The following ASTN1 variants were observed in gnomAD, a reference collection of about 807,000 sequenced individuals.
The protein encoded by ASTN1 is astrotactin-1.
A neutral mutation model predicts 140.7 loss-of-function variants in ASTN1; 41 were observed. The ratio of observed to expected loss-of-function variants is 0.29; its 90% CI spans 0.23 to 0.38. ASTN1 has a LOEUF of 0.38. Among genes scored for constraint, ASTN1 ranks in the 10% least tolerant of loss-of-function variants. The probability of loss-of-function intolerance (pLI) is 1.00; values close to 1 mark genes in which losing one functional copy is unlikely to be tolerated. For missense variants in ASTN1, 1,479 were observed against 1,678.8 expected (o/e 0.88, Z 2.08); for synonymous variants, 640 against 652.2 (o/e 0.98, Z 0.29).
At chr1:176,878,435 T>A (rs1239336622) in intron 20 of ASTN1, among the ~76,000 whole-genome samples, 1 of 150,756 alleles carries the variant, frequency 6.6e-6, no homozygotes, top group Non-Finnish European at 1.5e-5. Context: ...TCCTCTAAGC[T>A]CAGAGGGGAG....
chr1:176,964,981 A>ACCT (rs1200875022), intron 9 of ASTN1, among the ~76,000 whole-genome samples, 182 bp downstream of exon 9: 1 of 152,086 alleles, frequency 6.6e-6, no homozygotes, highest in East Asian at 1.9e-4. Context: ...AATCTGTCTG[A>ACCT]CCTCCAAGTC....
At chr1:177,039,411 A>C (rs1041253567) in intron 2 of ASTN1, among the ~76,000 whole-genome samples, 1 of 152,230 alleles carries the variant, frequency 6.6e-6, no homozygotes, top group Non-Finnish European at 1.5e-5. Flanking sequence ...GTTTTTCTGG[A>C]TATCACTCAT....
At chr1:177,100,471 C>A (rs759770770) in intron 1 of ASTN1, among the ~76,000 whole-genome samples, 12 of 152,010 alleles carry the variant, frequency 7.9e-5, no homozygotes, top group Non-Finnish European at 1.5e-4. Context: ...TCCACTGATA[C>A]CCCAGTCCCC....
intron 15 of ASTN1, among the ~76,000 whole-genome samples, chr1:176,935,683 C>A (rs947650421): frequency 6.6e-6 from 1 of 152,166 alleles, no homozygotes; most frequent in African/African-American, 2.4e-5. Flanking sequence ...CTCTGAAACC[C>A]TAAGTAAGTT....
At chr1:177,031,022 T>G in intron 3 of ASTN1, 70 bp from the exon 4 acceptor site, 2 of 1,501,704 alleles carry the variant, frequency 1.3e-6, no homozygotes, top group Non-Finnish European at 1.8e-6. Context: ...GAAGGAAATC[T>G]GCATAAACCA....
chr1:176,951,034 C>T (rs140077766), intron 11 of ASTN1, among the ~76,000 whole-genome samples: 314 of 152,328 alleles, frequency 2.1e-3, no homozygotes, highest in Admixed American at 3.4e-3. Context: ...AGGATATGCA[C>T]TGTTTGCTAA....
intron 11 of ASTN1, among the ~76,000 whole-genome samples, chr1:176,956,484 T>TG (rs1672411405): frequency 6.6e-6 from 1 of 152,122 alleles, no homozygotes. Flanking sequence ...CCTCACAGCT[T>TG]GTCTCTGCTC....
At chr1:177,162,377 A>G (rs540192437) in intron 1 of ASTN1, among the ~76,000 whole-genome samples, 1 of 152,306 alleles carries the variant, frequency 6.6e-6, no homozygotes, top group East Asian at 1.9e-4. Flanking sequence ...GATGCATTTA[A>G]ATAGTGCATC....
intron 1 of ASTN1, among the ~76,000 whole-genome samples, chr1:177,120,697 G>T (rs1033457372): frequency 6.6e-6 from 1 of 152,058 alleles, no homozygotes; most frequent in African/African-American, 2.4e-5. Context: ...ACTCAAACAG[G>T]CTGTCTCCCG....
At chr1:176,930,829 G>A (rs1671176096) in intron 16 of ASTN1, among the ~76,000 whole-genome samples, 1 of 152,158 alleles carries the variant, frequency 6.6e-6, no homozygotes, top group Admixed American at 6.5e-5. Flanking sequence ...TAAGAAATGA[G>A]GTGCTAATAC....
At chr1:176,884,085 A>T (rs1463282683) in intron 19 of ASTN1, among the ~76,000 whole-genome samples, 1 of 152,162 alleles carries the variant, frequency 6.6e-6, no homozygotes, top group African/African-American at 2.4e-5. Context: ...CCTCTTTTAT[A>T]AACAAAAAAC....
chr1:177,092,518 T>C (rs930790189), intron 1 of ASTN1, among the ~76,000 whole-genome samples: 1 of 152,220 alleles, frequency 6.6e-6, no homozygotes, highest in African/African-American at 2.4e-5. Context: ...AAGTCAAATT[T>C]ACCTAGTTTT....
At chr1:176,860,335 G>T (rs868352294), downstream of ASTN1, among the ~76,000 whole-genome samples, 9 of 152,168 alleles carry the variant, frequency 5.9e-5, no homozygotes, top group Admixed American at 2.0e-4. Flanking sequence ...TCTTTTAATT[G>T]CCCCTGCTTG....
At chr1:177,071,257 T>C (rs147591533) in intron 1 of ASTN1, among the ~76,000 whole-genome samples, 1 of 152,212 alleles carries the variant, frequency 6.6e-6, no homozygotes, top group Non-Finnish European at 1.5e-5. Flanking sequence ...AGGCCCATTC[T>C]AGGCTGGCAT....
intron 1 of ASTN1, among the ~76,000 whole-genome samples, chr1:177,075,065 T>C (rs1305617602): frequency 1.3e-5 from 2 of 152,162 alleles, no homozygotes; most frequent in African/African-American, 4.8e-5. Flanking sequence ...TATTAAATTC[T>C]TCCAATTTCT....
intron 1 of ASTN1, among the ~76,000 whole-genome samples, chr1:177,104,008 C>T (rs768207313): frequency 3.3e-5 from 5 of 152,100 alleles, no homozygotes; most frequent in African/African-American, 4.8e-5. Flanking sequence ...TATGGCCTGG[C>T]GTGCAGTAAC....
At chr1:177,143,935 T>A (rs1206918191) in intron 1 of ASTN1, among the ~76,000 whole-genome samples, 4 of 152,200 alleles carry the variant, frequency 2.6e-5, no homozygotes, top group African/African-American at 9.6e-5. Flanking sequence ...GCATTATTTA[T>A]GCAACTTTTA....
chr1:176,986,258 T>C (rs1450191704), intron 8 of ASTN1, among the ~76,000 whole-genome samples: 1 of 152,204 alleles, frequency 6.6e-6, no homozygotes, highest in Non-Finnish European at 1.5e-5. Context: ...GGGGTTCTGA[T>C]CACTCCAGAG....
intron 1 of ASTN1, among the ~76,000 whole-genome samples, chr1:177,080,324 A>G (rs7516130): frequency 0.36 from 53,606 of 150,302 alleles, 11,229 homozygotes; most frequent in Non-Finnish European, 0.49. Context: ...AAAACAAAAT[A>G]AAATGAGCAT....
Sources: allele counts gnomAD v4.1 joint callset (sites outside exome capture counted in the v4.1 genomes callset), GRCh38; gene constraint gnomAD v4.1.1; transcripts MANE v1.5; gene names NCBI Gene and HGNC (gene_info 2026-07-23, HGNC 2026-07-21).